IL7: variants seen among roughly 807,000 people sequenced by gnomAD.
IL7 encodes the protein interleukin-7.
Under a neutral mutation model 21.6 loss-of-function variants are expected in IL7, and 3 were observed. The ratio of observed to expected loss-of-function variants is 0.14; its 90% CI spans 0.06 to 0.36. The LOEUF is 0.36. Ranked by LOEUF, IL7 falls within the 10% of genes least tolerant of loss-of-function variation. The pLI, the probability that IL7 is intolerant of heterozygous loss-of-function variation, is 1.00. For missense variants in IL7, 175 were observed against 200.2 expected, an observed-to-expected ratio of 0.87 and a Z score of 0.76; for synonymous variants, 62 against 68.1, an observed-to-expected ratio of 0.91 and a Z score of 0.44.
intron 4 of IL7, chr8:78,679,471 A>G (rs1809692249): frequency 6.6e-6 from 1 of 152,038 alleles, no homozygotes; most frequent in East Asian, 1.9e-4. Flanking sequence ...TCTTTAATTT[A>G]TGTTACTTTT....
intron 2 of IL7, among the ~76,000 whole-genome samples, chr8:78,787,770 A>AT (rs1311190760): frequency 1.3e-5 from 2 of 151,862 alleles, no homozygotes; most frequent in Non-Finnish European, 2.9e-5. Flanking sequence ...GTGTTAGTGA[A>AT]TTTTTTTTCA....
At chr8:78,772,535 T>C (rs575286649) in intron 2 of IL7, among the ~76,000 whole-genome samples, 52 of 152,282 alleles carry the variant, frequency 3.4e-4, no homozygotes, top group African/African-American at 1.1e-3. Context: ...GAACTTGACC[T>C]TAAATGGCAC....
chr8:78,800,761 G>A (rs754727208), intron 1 of IL7, among the ~76,000 whole-genome samples: 2 of 152,022 alleles, frequency 1.3e-5, no homozygotes, highest in African/African-American at 2.4e-5. Context: ...GGTATACTTC[G>A]GGAGGAGTAG....
chr8:78,770,746 T>G (rs1272845020), intron 2 of IL7, among the ~76,000 whole-genome samples: 3 of 152,000 alleles, frequency 2.0e-5, no homozygotes, highest in Non-Finnish European at 4.4e-5. Flanking sequence ...GAAGATAGTA[T>G]GTAGACAGAT....
chr8:78,732,598 A>C (rs375905031), downstream of IL7, among the ~76,000 whole-genome samples: 1 of 152,292 alleles, frequency 6.6e-6, no homozygotes, highest in East Asian at 1.9e-4. Flanking sequence ...TTTCCAGACA[A>C]GTTTCTTTTA....
downstream of IL7, chr8:78,717,492 G>T (rs763877690): frequency 1.4e-6 from 2 of 1,450,152 alleles, no homozygotes; most frequent in Non-Finnish European, 9.1e-7. Flanking sequence ...ATGATTCTAT[G>T]AATAGAATCT....
chr8:78,735,312 GTTTT>G (rs144374908), intron 5 of IL7, among the ~76,000 whole-genome samples: 2 of 72,000 alleles, frequency 2.8e-5, no homozygotes, highest in Non-Finnish European at 5.9e-5. Flanking sequence ...TTTTTGCTCT[GTTTT>G]TTGTTTTTTG....
downstream of IL7, among the ~76,000 whole-genome samples, chr8:78,716,097 T>G (rs980863456): frequency 6.6e-6 from 1 of 151,238 alleles, no homozygotes; most frequent in Non-Finnish European, 1.5e-5. Context: ...TATTTTACCT[T>G]TATTACTGTT....
At chr8:78,760,008 G>A (rs1812494778) in intron 2 of IL7, 2 of 508,178 alleles carry the variant, frequency 3.9e-6, no homozygotes, top group Admixed American at 4.2e-5. Flanking sequence ...CATTTAAACA[G>A]GTAGATTATC....
chr8:78,676,188 T>C (rs1809574229), intron 4 of IL7: 1 of 175,172 alleles, frequency 5.7e-6, no homozygotes, highest in African/African-American at 2.4e-5. Context: ...TACAAAATAA[T>C]ATAATGTCTG....
At chr8:78,801,447 C>T (rs979790314) in intron 1 of IL7, among the ~76,000 whole-genome samples, 1 of 152,102 alleles carries the variant, frequency 6.6e-6, no homozygotes, top group African/African-American at 2.4e-5. Flanking sequence ...ACAGACTCTA[C>T]TTGGGAGGCT....
chr8:78,777,687 A>T (rs1365531303), intron 2 of IL7, among the ~76,000 whole-genome samples: 8 of 152,110 alleles, frequency 5.3e-5, no homozygotes, highest in African/African-American at 1.9e-4. Context: ...AGAGGACATC[A>T]GCTGCCATCT....
intron 2 of IL7, among the ~76,000 whole-genome samples, chr8:78,768,302 G>A (rs1812827708): frequency 6.6e-6 from 1 of 151,968 alleles, no homozygotes; most frequent in African/African-American, 2.4e-5. Flanking sequence ...GGGATGGCTG[G>A]GTAAAATGGT....
chr8:78,741,936 G>T (rs921871157), intron 2 of IL7, among the ~76,000 whole-genome samples: 1 of 152,130 alleles, frequency 6.6e-6, no homozygotes, highest in African/African-American at 2.4e-5. Context: ...GCCATCTTTT[G>T]ATTTAACAAA....
exon 5 of IL7, chr8:78,676,099 G>A (rs556623620): frequency 3.8e-5 from 13 of 339,698 alleles, no homozygotes; most frequent in Non-Finnish European, 5.8e-5. Context: ...CTCATTTTAC[G>A]AGACTCTTAC....
chr8:78,760,460 A>G (rs1304422023), intron 2 of IL7: 22 of 1,556,382 alleles, frequency 1.4e-5, no homozygotes, highest in Non-Finnish European at 1.8e-5. Context: ...CGGAAGCTCT[A>G]TATCTTTCCC....
At chr8:78,697,624 A>T in intron 3 of IL7, 1 of 692,414 alleles carries the variant, frequency 1.4e-6, no homozygotes, top group Non-Finnish European at 2.4e-6. Flanking sequence ...GAAGAGATGT[A>T]GAAGTTAAGT....
intron 2 of IL7, chr8:78,760,617 AT>A (rs988163661): frequency 6.4e-7 from 1 of 1,569,598 alleles, no homozygotes; most frequent in African/African-American, 1.4e-5. Flanking sequence ...AGAGATAAGC[AT>A]TTAAGAGCTT....
intron 2 of IL7, among the ~76,000 whole-genome samples, chr8:78,787,474 A>G (rs1253708116): frequency 6.6e-6 from 1 of 152,064 alleles, no homozygotes; most frequent in Non-Finnish European, 1.5e-5. Flanking sequence ...GAGAATAAGA[A>G]AACTGTTTTT....
Sources: gnomAD v4.1 joint callset for allele counts (sites outside exome capture counted in the v4.1 genomes callset) on GRCh38, gnomAD v4.1.1 for gene constraint, MANE v1.5 for transcripts, NCBI Gene and HGNC (gene_info 2026-07-23, HGNC 2026-07-21) for gene names.